The following UNC5A variants were observed in gnomAD, a reference collection of about 807,000 sequenced individuals.
UNC5A encodes the protein netrin receptor UNC5A.
Under a neutral mutation model 87.4 loss-of-function variants are expected in UNC5A, and 20 were observed. The ratio of observed to expected loss-of-function variants is 0.23; its 90% CI spans 0.16 to 0.33. UNC5A has a LOEUF of 0.33. UNC5A is among the 10% of genes least tolerant of loss of function. UNC5A has a pLI of 1.00. For missense variants in UNC5A, 844 were observed against 1,133.4 expected (o/e 0.74, Z 3.67); for synonymous variants, 438 against 482.3 (o/e 0.91, Z 1.20).
intron 1 of UNC5A, among the ~76,000 whole-genome samples, chr5:176,817,769 C>T (rs1264551994): frequency 2.0e-5 from 3 of 152,016 alleles, no homozygotes; most frequent in Non-Finnish European, 4.4e-5. Context: ...GCAGCCGGGG[C>T]AGAGGGGCTT....
At chr5:176,839,518 A>T (rs1757221514) in intron 1 of UNC5A, among the ~76,000 whole-genome samples, 1 of 152,238 alleles carries the variant, frequency 6.6e-6, no homozygotes, top group Non-Finnish European at 1.5e-5. Flanking sequence ...CTGTCTGGAC[A>T]GTCTCAGGCT....
chr5:176,858,591 G>C (rs1581265751), intron 1 of UNC5A, among the ~76,000 whole-genome samples: 1 of 152,114 alleles, frequency 6.6e-6, no homozygotes, highest in African/African-American at 2.4e-5. Context: ...GGAGTGGTGG[G>C]GACTACGGCA....
intron 1 of UNC5A, among the ~76,000 whole-genome samples, chr5:176,847,164 C>T (rs1757428977): frequency 6.6e-6 from 1 of 152,208 alleles, no homozygotes; most frequent in Non-Finnish European, 1.5e-5. Context: ...GGCTGATTCT[C>T]CATGCCCGAC....
chr5:176,842,190 C>A (rs1757293296), intron 1 of UNC5A, among the ~76,000 whole-genome samples: 1 of 152,200 alleles, frequency 6.6e-6, no homozygotes, highest in African/African-American at 2.4e-5. Context: ...GAGCGAGACT[C>A]CGTCTCAAAA....
chr5:176,831,222 A>G (rs552227219), intron 1 of UNC5A, among the ~76,000 whole-genome samples: 4 of 152,286 alleles, frequency 2.6e-5, no homozygotes, highest in African/African-American at 7.2e-5. Context: ...CATACAAGAC[A>G]GGGAGGTTGT....
chr5:176,877,774 C>T lies in UNC5A; in HGVS notation c.1635+71C>T, dbSNP rs116480303. On this transcript the variant is annotated intron_variant, in intron 10 of 14. Transcript: ENST00000329542. ...CTGCACGCTCCACCCGGCCTTCCAC[C>T]GCTGGGTGGTCCTGAGCCGCACCCC... is the stretch of plus-strand genomic sequence containing the variant. 4.4e-4 allele frequency: 675 copies of T among 1,521,194 alleles called. 3 individuals are homozygous for T. In the African/African-American group the frequency reaches 7.4e-3, roughly 17 times the overall value. The allele number at this position is 1,521,194 out of a possible 1,614,324, so 94.2% of individuals were successfully genotyped here.
chr5:176,862,149 A>G (rs1479056291), intron 1 of UNC5A, among the ~76,000 whole-genome samples: 1 of 152,096 alleles, frequency 6.6e-6, no homozygotes, highest in African/African-American at 2.4e-5. Context: ...AGCACCTACT[A>G]TGTGCAGGGC....
chr5:176,853,633 G>T (rs1757598989), intron 1 of UNC5A, among the ~76,000 whole-genome samples: 2 of 152,208 alleles, frequency 1.3e-5, no homozygotes, highest in Non-Finnish European at 2.9e-5. Context: ...TAGGTCGGGG[G>T]AGCAGCCCTC....
At chr5:176,827,189 T>TTC (rs1756876356) in intron 1 of UNC5A, among the ~76,000 whole-genome samples, 1 of 147,376 alleles carries the variant, frequency 6.8e-6, no homozygotes, top group Non-Finnish European at 1.5e-5. Context: ...CTTTTTTTTT[T>TTC]TTTTTTTTTT....
chr5:176,851,818 C>T (rs1390423388), intron 1 of UNC5A, among the ~76,000 whole-genome samples: 1 of 152,206 alleles, frequency 6.6e-6, no homozygotes, highest in African/African-American at 2.4e-5. Flanking sequence ...GTGCACTGTC[C>T]TTACTCGGCC....
Position 176,880,037 on chromosome 5 carries a change from G to A in UNC5A, c.*151G>A. 1 of 1,070,532 alleles carries A rather than the reference G, an allele frequency of 9.3e-7. No individual in the cohort carries two copies. Among genetic ancestry groups the A allele is most frequent in the Non-Finnish European group, 1.3e-6 (1 of 769,406 alleles). 66.3% of individuals were successfully genotyped at this position (1,070,532 alleles called of 1,614,324 possible). A position where few individuals can be genotyped will look rare whatever the true frequency, so the allele number is the denominator to read the frequency against. ...GCTGTCCCTTAATGCTGGTCCTTCA[G>A]ACCCTGCCCGAACTCCCACCTCTCC... On this transcript the variant is annotated 3_prime_UTR_variant, in exon 15 of 15. Coordinates refer to ENST00000329542, the MANE Select transcript of UNC5A (RefSeq NM_133369.3).
intron 1 of UNC5A, among the ~76,000 whole-genome samples, chr5:176,831,341 C>G (rs1300698781): frequency 6.6e-6 from 1 of 152,094 alleles, no homozygotes; most frequent in African/African-American, 2.4e-5. Context: ...CCCCAGGGCC[C>G]CTCTCCCTGT....
chr5:176,823,178 G>A (rs1756770514), intron 1 of UNC5A, among the ~76,000 whole-genome samples: 1 of 148,330 alleles, frequency 6.7e-6, no homozygotes. Context: ...CTGCATGTGG[G>A]GGGGCGAGGG....
At chr5:176,817,892 G>A (rs1756632708) in intron 1 of UNC5A, among the ~76,000 whole-genome samples, 2 of 151,900 alleles carry the variant, frequency 1.3e-5, no homozygotes, top group African/African-American at 4.8e-5. Flanking sequence ...TTAACGCGCT[G>A]CAAACTCCGG....
chr5:176,811,547 C>T (rs12515110), intron 1 of UNC5A, among the ~76,000 whole-genome samples: 26,614 of 152,190 alleles, frequency 0.17, 2,883 homozygotes, highest in Admixed American at 0.27. Flanking sequence ...CCCTGCATGC[C>T]CCATTGGTCA....
chr5:176,834,320 G>A (rs1332811904), intron 1 of UNC5A, among the ~76,000 whole-genome samples: 1 of 152,192 alleles, frequency 6.6e-6, no homozygotes, highest in Non-Finnish European at 1.5e-5. Flanking sequence ...CGAGATGCAT[G>A]GTTGGCATTA....
chr5:176,819,206 C>T (rs903250851), intron 1 of UNC5A, among the ~76,000 whole-genome samples: 2 of 152,166 alleles, frequency 1.3e-5, no homozygotes, highest in Admixed American at 6.5e-5. Flanking sequence ...AATCCCAACC[C>T]CCCACATCTT....
chr5:176,824,666 G>T lies in UNC5A; in HGVS notation c.70+13846G>T, dbSNP rs1349138446. On this transcript the variant is annotated intron_variant, in intron 1 of 14. Coordinates refer to ENST00000329542, the MANE Select transcript of UNC5A (RefSeq NM_133369.3). The surrounding 1 kb of genome is among the most constrained non-coding windows in gnomAD (Gnocchi z 4.2). ...GCCCAGCAAGCCCATTTTCCTGGGT[G>T]GCTGGGGCTGGAACCTGGATGCCAC... 2.0e-5 allele frequency among the ~76,000 whole-genome samples: 3 copies of T among 152,216 alleles called. No individual in the cohort carries two copies. Among genetic ancestry groups the T allele is most frequent in the African/African-American group, 7.2e-5 (3 of 41,462 alleles).
intron 1 of UNC5A, among the ~76,000 whole-genome samples, chr5:176,849,239 T>C (rs1276642048): frequency 6.6e-6 from 1 of 152,196 alleles, no homozygotes; most frequent in Non-Finnish European, 1.5e-5. Context: ...TCAATATTTT[T>C]AAATGGGAGG....
Sources: gnomAD v4.1 joint callset for allele counts (sites outside exome capture counted in the v4.1 genomes callset) on GRCh38, gnomAD v4.1.1 for gene constraint, Gnocchi (gnomAD v3.1) non-coding constraint, MANE v1.5 for transcripts, NCBI Gene and HGNC (gene_info 2026-07-23, HGNC 2026-07-21) for gene names.